Variants in ARHGAP22 observed in about 807,000 individuals in gnomAD.
ARHGAP22 encodes the protein rho GTPase-activating protein 22.
A neutral mutation model predicts 59.1 loss-of-function variants in ARHGAP22; 48 were observed. The observed-to-expected ratio is 0.81, with a 90% CI of 0.64 to 1.03. ARHGAP22 has a LOEUF of 1.03. Ranked by LOEUF, ARHGAP22 falls within the 50% of genes least tolerant of loss-of-function variation. ARHGAP22 has a pLI of 0.00. For missense variants in ARHGAP22, 1,015 were observed against 958.7 expected (o/e 1.06, Z -0.78); for synonymous variants, 445 against 416.4 (o/e 1.07, Z -0.84).
the ARHGAP22 span, among the ~76,000 whole-genome samples, chr10:48,439,954 T>C: frequency 6.6e-6 from 1 of 152,208 alleles, no homozygotes; most frequent in Non-Finnish European, 1.5e-5. Flanking sequence ...CCGCTGCTGC[T>C]GGATCAGCTG....
intron 3 of ARHGAP22, among the ~76,000 whole-genome samples, chr10:48,485,834 G>C (rs1043562111): frequency 6.6e-6 from 1 of 152,122 alleles, no homozygotes; most frequent in Non-Finnish European, 1.5e-5. Flanking sequence ...ATTAGTGTCA[G>C]TATGATGTTA....
chr10:48,504,281 T>C (rs930553412), intron 3 of ARHGAP22, among the ~76,000 whole-genome samples: 10 of 152,180 alleles, frequency 6.6e-5, no homozygotes, highest in Admixed American at 6.5e-4. Flanking sequence ...GCAGGAAACC[T>C]GAAGGGCAGG....
chr10:48,449,508 C>T (rs71501477), intron 9 of ARHGAP22, among the ~76,000 whole-genome samples: 3,779 of 152,348 alleles, frequency 0.025, 72 homozygotes, highest in Middle Eastern at 0.054. Context: ...CCATCCACTG[C>T]CTCTAATGGA....
chr10:48,554,219 C>G (rs1020952228), intron 3 of ARHGAP22, among the ~76,000 whole-genome samples: 1 of 152,208 alleles, frequency 6.6e-6, no homozygotes, highest in Non-Finnish European at 1.5e-5. Flanking sequence ...TGTGCCCCTG[C>G]GAACTCTGGT....
chr10:48,574,074 A>C (rs1179000671), intron 2 of ARHGAP22, among the ~76,000 whole-genome samples: 1 of 152,202 alleles, frequency 6.6e-6, no homozygotes, highest in African/African-American at 2.4e-5. Context: ...GATAGACAAA[A>C]ACCTCACCTT....
chr10:48,654,773 A>ACTTTCTTTTT (rs1207468045), upstream of ARHGAP22, among the ~76,000 whole-genome samples: 1 of 112,264 alleles, frequency 8.9e-6, no homozygotes, highest in African/African-American at 3.4e-5. Context: ...CATGCTGATT[A>ACTTTCTTTTT]CTTTCTTTCT....
At chr10:48,541,878 T>C (rs1323782748) in intron 3 of ARHGAP22, among the ~76,000 whole-genome samples, 1 of 152,204 alleles carries the variant, frequency 6.6e-6, no homozygotes, top group Non-Finnish European at 1.5e-5. Flanking sequence ...ACATTACCTA[T>C]TGAGCTCCAT....
chr10:48,484,296 G>A (rs1297875330), intron 3 of ARHGAP22, among the ~76,000 whole-genome samples: 6 of 152,186 alleles, frequency 3.9e-5, no homozygotes, highest in South Asian at 2.1e-4. Flanking sequence ...GATGAATTAC[G>A]CTAATACATT....
At chr10:48,451,273 C>T in intron 8 of ARHGAP22, 133 bp from the exon 9 acceptor site, 1 of 1,229,326 alleles carries the variant, frequency 8.1e-7, no homozygotes, top group Non-Finnish European at 1.2e-6. Context: ...CTCAAGGGAG[C>T]CTTCATCCGC....
chr10:48,599,090 C>T (rs1338027799), intron 1 of ARHGAP22, among the ~76,000 whole-genome samples: 2 of 152,194 alleles, frequency 1.3e-5, no homozygotes, highest in Non-Finnish European at 2.9e-5. Context: ...ATGCATGTGA[C>T]TGCACATGCT....
At chr10:48,601,214 T>C (rs2060360481) in intron 1 of ARHGAP22, among the ~76,000 whole-genome samples, 1 of 152,156 alleles carries the variant, frequency 6.6e-6, no homozygotes. Context: ...ACAACATTCA[T>C]AACTAAGCAA....
intron 3 of ARHGAP22, among the ~76,000 whole-genome samples, chr10:48,532,087 T>C (rs1192896425): frequency 6.6e-6 from 1 of 152,204 alleles, no homozygotes; most frequent in East Asian, 1.9e-4. Flanking sequence ...CTCACGGGCA[T>C]TATTTTGTTT....
intron 1 of ARHGAP22, among the ~76,000 whole-genome samples, chr10:48,587,458 T>C (rs1349133866): frequency 2.0e-5 from 3 of 152,234 alleles, no homozygotes; most frequent in Non-Finnish European, 4.4e-5. Flanking sequence ...GCTAGTCAAA[T>C]TAGGTCACCA....
intron 3 of ARHGAP22, among the ~76,000 whole-genome samples, chr10:48,544,158 G>A (rs1269190326): frequency 1.3e-5 from 2 of 152,102 alleles, no homozygotes; most frequent in Non-Finnish European, 2.9e-5. Flanking sequence ...GGGGTCAGGG[G>A]AGAAACTGTC....
chr10:48,655,250 TGTGTGTGGG>T (rs2062765826), upstream of ARHGAP22, among the ~76,000 whole-genome samples: 1 of 2,894 alleles, frequency 3.5e-4, no homozygotes, highest in African/African-American at 1.1e-3. Context: ...GATGTGTGTG[TGTGTGTGGG>T]GGGGGGGGGG....
chr10:48,462,986 C>T (rs1415473757), intron 4 of ARHGAP22, among the ~76,000 whole-genome samples: 3 of 152,220 alleles, frequency 2.0e-5, no homozygotes, highest in Admixed American at 6.5e-5. Context: ...AACAGTGGGC[C>T]ACACAGGTCC....
At chr10:48,611,459 G>A (rs1011508520) in intron 1 of ARHGAP22, among the ~76,000 whole-genome samples, 23 of 152,122 alleles carry the variant, frequency 1.5e-4, no homozygotes, top group African/African-American at 5.3e-4. Context: ...AGGCTCCAAA[G>A]GCAACCCCTG....
chr10:48,488,470 T>G (rs2050058761), intron 3 of ARHGAP22, among the ~76,000 whole-genome samples: 1 of 152,230 alleles, frequency 6.6e-6, no homozygotes, highest in African/African-American at 2.4e-5. Context: ...GTGATGAATG[T>G]TTCTGTATTT....
the ARHGAP22 span, chr10:48,435,925 C>T: frequency 2.0e-5 from 3 of 152,376 alleles, no homozygotes; most frequent in East Asian, 5.8e-4. Flanking sequence ...TCTACTCAGG[C>T]TGTAGGTCCC....
Sources: allele counts gnomAD v4.1 joint callset (sites outside exome capture counted in the v4.1 genomes callset), GRCh38; gene constraint gnomAD v4.1.1; transcripts MANE v1.5; gene names NCBI Gene and HGNC (gene_info 2026-07-23, HGNC 2026-07-21).